The following MDFIC variants were observed in gnomAD, a reference collection of about 807,000 sequenced individuals.
The protein encoded by MDFIC is myoD family inhibitor domain-containing protein.
Under a neutral mutation model 23.2 loss-of-function variants are expected in MDFIC, and 17 were observed. The ratio of observed to expected loss-of-function variants is 0.73; its 90% CI spans 0.50 to 1.10. The LOEUF (loss-of-function observed/expected upper bound fraction) is 1.10, where lower values mean the gene tolerates loss of function less well. Ranked by LOEUF, MDFIC falls within the 50% of genes least tolerant of loss-of-function variation. MDFIC has a pLI of 0.00. For missense variants in MDFIC, 356 were observed against 316.6 expected, an observed-to-expected ratio of 1.12 and a Z score of -0.95; for synonymous variants, 120 against 115.2, an observed-to-expected ratio of 1.04 and a Z score of -0.27.
intron 3 of MDFIC, among the ~76,000 whole-genome samples, chr7:114,943,613 A>G (rs1416923471): frequency 6.6e-6 from 1 of 152,208 alleles, no homozygotes; most frequent in Non-Finnish European, 1.5e-5. Context: ...TATAAACATT[A>G]TTTCAAGTAA....
At chr7:114,949,939 T>TAAGA (rs901362931) in intron 3 of MDFIC, among the ~76,000 whole-genome samples, 45 of 152,132 alleles carry the variant, frequency 3.0e-4, no homozygotes, top group Middle Eastern at 3.4e-3. Flanking sequence ...GTTCTAGAGG[T>TAAGA]AAGAGAGGAC....
At chr7:114,924,632 G>A (rs562860828) in intron 2 of MDFIC, among the ~76,000 whole-genome samples, 4 of 152,046 alleles carry the variant, frequency 2.6e-5, no homozygotes, top group East Asian at 1.9e-4. Flanking sequence ...GAAACTCTTG[G>A]GTTATATTTT....
At chr7:115,013,539 C>T (rs1162986208) in intron 4 of MDFIC, among the ~76,000 whole-genome samples, 1 of 152,110 alleles carries the variant, frequency 6.6e-6, no homozygotes, top group African/African-American at 2.4e-5. Flanking sequence ...GATATTTAAG[C>T]ATTGCATAGT....
rs562040328 is a variant in MDFIC at position 115,012,568 on chromosome 7, G to T, written c.494-3120G>T. On this transcript the variant is annotated intron_variant, in intron 4 of 4. Transcript: ENST00000393486. ...AAGCCTGTGACCCAACCATCCTACT[G>T]CTGGTTACTTAGCATGTATGTTAGG... is the stretch of plus-strand genomic sequence containing the variant. 3.3e-5 allele frequency among the ~76,000 whole-genome samples: 5 copies of T among 152,262 alleles called. No homozygotes were observed. In the South Asian group the frequency reaches 1.0e-3, roughly 32 times the overall value.
intron 3 of MDFIC, among the ~76,000 whole-genome samples, chr7:114,942,610 C>T (rs748051203): frequency 2.6e-5 from 4 of 152,056 alleles, no homozygotes; most frequent in Admixed American, 6.5e-5. Flanking sequence ...AGAATTGACG[C>T]GTAAATATTG....
intron 3 of MDFIC, among the ~76,000 whole-genome samples, chr7:114,948,253 C>T (rs1174016673): frequency 2.6e-5 from 4 of 152,048 alleles, no homozygotes; most frequent in African/African-American, 4.8e-5. Flanking sequence ...CCAGGCTGCA[C>T]GTGGTTTATT....
At chr7:114,946,837 G>T (rs1386935469) in intron 3 of MDFIC, among the ~76,000 whole-genome samples, 1 of 151,996 alleles carries the variant, frequency 6.6e-6, no homozygotes, top group African/African-American at 2.4e-5. Flanking sequence ...ACATCAACAG[G>T]CTCTGTTATT....
chr7:114,974,214 T>A (rs1282715798), intron 3 of MDFIC, among the ~76,000 whole-genome samples: 1 of 152,128 alleles, frequency 6.6e-6, no homozygotes, highest in East Asian at 1.9e-4. Context: ...ATAGTTTTTA[T>A]CATGTTAGTT....
chr7:114,931,347 C>T (rs1377891189), intron 2 of MDFIC, among the ~76,000 whole-genome samples: 2 of 152,138 alleles, frequency 1.3e-5, no homozygotes, highest in Admixed American at 1.3e-4. Context: ...CACATGATCT[C>T]AAGTGAGATG....
intron 3 of MDFIC, among the ~76,000 whole-genome samples, chr7:114,975,894 T>C (rs1331105250): frequency 6.6e-6 from 1 of 152,132 alleles, no homozygotes; most frequent in Non-Finnish European, 1.5e-5. Flanking sequence ...AAAGGGATAA[T>C]ACTTGGTTAT....
At chr7:114,975,666 T>C (rs1369559678) in intron 3 of MDFIC, among the ~76,000 whole-genome samples, 1 of 152,064 alleles carries the variant, frequency 6.6e-6, no homozygotes, top group African/African-American at 2.4e-5. Context: ...TTGTTCTTCA[T>C]TTGAAAATAA....
intron 2 of MDFIC, among the ~76,000 whole-genome samples, chr7:114,931,436 A>G (rs1318492857): frequency 2.0e-5 from 3 of 152,192 alleles, no homozygotes; most frequent in Admixed American, 6.5e-5. Context: ...ATGCTAGCAC[A>G]TATATTTTAC....
chr7:114,928,141 T>A (rs961089623), intron 2 of MDFIC, among the ~76,000 whole-genome samples: 1 of 152,182 alleles, frequency 6.6e-6, no homozygotes, highest in Non-Finnish European at 1.5e-5. Flanking sequence ...GTGGAGGGCT[T>A]ATCAGCTGGG....
At chr7:114,959,325 A>G (rs1792943195) in intron 3 of MDFIC, among the ~76,000 whole-genome samples, 1 of 152,178 alleles carries the variant, frequency 6.6e-6, no homozygotes, top group South Asian at 2.1e-4. Flanking sequence ...TTATAGTCCT[A>G]GAATAGTATT....
intron 3 of MDFIC, among the ~76,000 whole-genome samples, chr7:114,962,531 G>A (rs1444358039): frequency 6.6e-6 from 1 of 152,106 alleles, no homozygotes; most frequent in Non-Finnish European, 1.5e-5. Flanking sequence ...AACCGTCCAT[G>A]TTTCCAGTAT....
intron 3 of MDFIC, among the ~76,000 whole-genome samples, chr7:114,957,665 A>G (rs1456959940): frequency 6.6e-6 from 1 of 152,206 alleles, no homozygotes; most frequent in Non-Finnish European, 1.5e-5. Context: ...TTTGGAGAAC[A>G]GTGTATTTCA....
At chr7:114,983,405 A>T (rs749999004) in intron 4 of MDFIC, among the ~76,000 whole-genome samples, 3 of 152,090 alleles carry the variant, frequency 2.0e-5, no homozygotes, top group African/African-American at 4.8e-5. Flanking sequence ...TCTAACCAGG[A>T]TAGCAAAAAC....
At chr7:115,009,107 T>C (rs1791628901) in intron 4 of MDFIC, among the ~76,000 whole-genome samples, 1 of 152,254 alleles carries the variant, frequency 6.6e-6, no homozygotes, top group South Asian at 2.1e-4. Flanking sequence ...GCCTGTTAAA[T>C]GCTAATAAAC....
chr7:114,948,596 G>A (rs1377123893), intron 3 of MDFIC, among the ~76,000 whole-genome samples: 1 of 151,318 alleles, frequency 6.6e-6, no homozygotes, highest in Non-Finnish European at 1.5e-5. Context: ...CCATTCTTTT[G>A]TCCTCCTTTT....
Sources: allele counts gnomAD v4.1 joint callset (sites outside exome capture counted in the v4.1 genomes callset), GRCh38; gene constraint gnomAD v4.1.1; transcripts MANE v1.5; gene names NCBI Gene and HGNC (gene_info 2026-07-23, HGNC 2026-07-21).